The following SH3BP2 variants were observed in gnomAD, a reference collection of about 807,000 sequenced individuals.
SH3BP2 encodes SH3 domain binding protein 2.
SH3BP2 carries 38 observed loss-of-function variants against 56.2 expected under a neutral mutation model. That is an observed-to-expected ratio of 0.68 (90% CI 0.52 to 0.89). SH3BP2 has a LOEUF of 0.89. Among genes scored for constraint, SH3BP2 ranks in the 40% least tolerant of loss-of-function variants. The probability of loss-of-function intolerance (pLI) is 0.00; values close to 1 mark genes in which losing one functional copy is unlikely to be tolerated. For missense variants in SH3BP2, 748 were observed against 762.6 expected (o/e 0.98, Z 0.23); for synonymous variants, 346 against 316.7 (o/e 1.09, Z -0.98).
rs1323109947 is a variant in SH3BP2 at position 2,810,663 on chromosome 4, C to T, written c.-4-9951C>T. ...CCCCAAGCCCCTTCCTCCCGTGGCTCCCTCACCCCAGCTCCTTCCAGCAAA... is the reference window on the plus strand; with the variant it reads ...CCCCAAGCCCCTTCCTCCCGTGGCTTCCTCACCCCAGCTCCTTCCAGCAAA... On this transcript the variant is annotated intron_variant, in intron 1 of 12. Coordinates refer to ENST00000503393, the MANE Select transcript of SH3BP2 (RefSeq NM_001122681.2). This position sits in a 1 kb window ranked among gnomAD's most constrained non-coding sequence, Gnocchi z 4.2. Among the ~76,000 whole-genome samples, 1 of 151,966 alleles carries T rather than the reference C, an allele frequency of 6.6e-6. No homozygotes were observed. Among genetic ancestry groups the T allele is most frequent in the Admixed American group, 6.5e-5 (1 of 15,268 alleles).
chr4:2,824,547 G>A, intron 3 of SH3BP2, 66 bp from the exon 4 acceptor site: 1 of 1,168,908 alleles, frequency 8.6e-7, no homozygotes, highest in Non-Finnish European at 1.3e-6. Flanking sequence ...TTCACAGGGG[G>A]GTGCTGTGGG....
intron 1 of SH3BP2, among the ~76,000 whole-genome samples, chr4:2,795,199 T>G (rs890391162): frequency 6.6e-6 from 1 of 152,132 alleles, no homozygotes; most frequent in South Asian, 2.1e-4. Context: ...TGTCCTGTTT[T>G]GGGTGGGGGC....
In SH3BP2 at chr4:2,832,564, A is replaced by C. The variant is rs1434954829; in HGVS notation, c.1488+152A>C. 7.9e-5 allele frequency: 57 copies of C among 721,374 alleles called. 2 individuals carry two copies. The South Asian group carries it at 8.2e-4, about 10-fold the overall frequency. 44.7% of individuals were successfully genotyped at this position (721,374 alleles called of 1,614,324 possible). A position where few individuals can be genotyped will look rare whatever the true frequency, so the allele number is the denominator to read the frequency against. On this transcript the variant is annotated intron_variant, in intron 11 of 12. Transcript: ENST00000503393. Reference sequence around the variant, plus strand: ...AATTCTCTTCCCAGCAGCACCCCCCAATCTATTCCCTAATAGATCTCCATC... The same window carrying C: ...AATTCTCTTCCCAGCAGCACCCCCCCATCTATTCCCTAATAGATCTCCATC...
intron 1 of SH3BP2, among the ~76,000 whole-genome samples, chr4:2,803,552 T>G (rs1246030172): frequency 6.6e-6 from 1 of 152,060 alleles, no homozygotes; most frequent in East Asian, 1.9e-4. Context: ...GTCTCCAGCT[T>G]AAGGGACCAA....
chr4:2,829,525 C>T lies in SH3BP2; in HGVS notation c.619C>T (p.Pro207Ser). 3 of 1,613,590 alleles carry T rather than the reference C, an allele frequency of 1.9e-6. No homozygotes were observed. Among genetic ancestry groups the T allele is most frequent in the Non-Finnish European group, 2.5e-6 (3 of 1,179,970 alleles). Reference protein sequence around the residue: ...ALMHPPAYPPPPVPTPRKPAF... With the variant: ...ALMHPPAYPPSPVPTPRKPAF... ...GATGCACCCACCGGCTTACCCACCACCCCCAGTGCCCACGCCCAGGAAGCC... is the reference window on the plus strand; with the variant it reads ...GATGCACCCACCGGCTTACCCACCATCCCCAGTGCCCACGCCCAGGAAGCC... Residue 207 changes from proline to serine, a missense_variant, in exon 8 of 13, where the codon CCC becomes TCC. Transcript: ENST00000503393. This position sits in a 1 kb window ranked among gnomAD's most constrained non-coding sequence, Gnocchi z 4.9.
At chr4:2,802,684 TG>T (rs1288756180) in intron 1 of SH3BP2, among the ~76,000 whole-genome samples, 1 of 151,718 alleles carries the variant, frequency 6.6e-6, no homozygotes, top group African/African-American at 2.4e-5. Context: ...TATATATATA[TG>T]TATATATGTA....
chr4:2,828,353 C>T (rs1724790820), intron 7 of SH3BP2, among the ~76,000 whole-genome samples: 1 of 152,054 alleles, frequency 6.6e-6, no homozygotes. Context: ...CTCTGCCGAC[C>T]CCAGCCCCTG....
chr4:2,831,710 T>C lies in SH3BP2; in HGVS notation c.1350+31T>C. The C allele has an allele frequency of 6.5e-7, 1 of 1,541,328 alleles. No individual in the cohort carries two copies. Among genetic ancestry groups the C allele is most frequent in the Non-Finnish European group, 8.9e-7 (1 of 1,129,466 alleles). On this transcript the variant is annotated intron_variant, in intron 9 of 12. Transcript: ENST00000503393. The surrounding 1 kb of genome is among the most constrained non-coding windows in gnomAD (Gnocchi z 4.1). ...GCTGAGCGGCAAGCCTGGGTCCCAG[T>C]GGCCAGTAGGTGGACAGGTGGTGGG... is the stretch of plus-strand genomic sequence containing the variant.
intron 1 of SH3BP2, chr4:2,819,097 A>AT (rs1351618352): frequency 6.1e-6 from 1 of 162,796 alleles, no homozygotes; most frequent in Non-Finnish European, 1.3e-5. Context: ...TCAGCTAATT[A>AT]TTTTTTAGAG....
chr4:2,827,571 G>C (rs370093082), intron 6 of SH3BP2, 35 bp from the exon 7 acceptor site: 1 of 1,564,006 alleles, frequency 6.4e-7, no homozygotes, highest in African/African-American at 1.4e-5. Flanking sequence ...GGCCTGGGCC[G>C]GTTTGGCTCT....
chr4:2,807,900 C>T (rs115206348), intron 1 of SH3BP2, among the ~76,000 whole-genome samples: 366 of 152,276 alleles, frequency 2.4e-3, no homozygotes, highest in Middle Eastern at 0.01. Context: ...TGGGCACCTG[C>T]GGAGGCAAGC....
chr4:2,823,280 C>G, intron 3 of SH3BP2: 1 of 580,954 alleles, frequency 1.7e-6, no homozygotes. Context: ...GTGCACAAGT[C>G]CCAGAGGCCT....
At position 2,831,561 on chromosome 4, in the gene SH3BP2, G is replaced by A. The variant is rs760932662; in HGVS notation, c.1242-10G>A. On this transcript the variant is annotated splice_polypyrimidine_tract_variant and intron_variant, in intron 8 of 12. Transcript: ENST00000503393. This position sits in a 1 kb window ranked among gnomAD's most constrained non-coding sequence, Gnocchi z 4.1. ...GAAATGGTCCTGCCTTCCTCTCCCT[G>A]CCCCTCCAGGCGATCACCCCCCGAT... The A allele has an allele frequency of 6.4e-7, 1 of 1,563,576 alleles. No individual in the cohort carries two copies. Among genetic ancestry groups the A allele is most frequent in the Non-Finnish European group, 8.7e-7 (1 of 1,152,388 alleles).
At chr4:2,832,173 G>A (rs530170011) in intron 10 of SH3BP2, 158 bp from the exon 11 acceptor site, 718 of 955,058 alleles carry the variant, frequency 7.5e-4, no homozygotes, top group Non-Finnish European at 1.0e-3. Flanking sequence ...GGGCTCTGCT[G>A]GGCTGCTTCT....
At position 2,818,426 on chromosome 4, in the gene SH3BP2, C is replaced by T. The variant is rs867837739; in HGVS notation, c.-4-2188C>T. On this transcript the variant is annotated intron_variant, in intron 1 of 12. Transcript: ENST00000503393. ...AGCCCCGGCCCCCGAGCCCCGGGAC[C>T]CGGGCCGCGAGCTTCCGGCTCTGGA... 1,295 of 1,124,230 alleles carry T rather than the reference C, an allele frequency of 1.2e-3. 2 individuals carry two copies. The highest frequency in any genetic ancestry group is 8.5e-3 in the Middle Eastern group (24 of 2,822). The allele number at this position is 1,124,230 out of a possible 1,614,324, so 69.6% of individuals were successfully genotyped here.
chr4:2,802,683 A>T (rs887538041), intron 1 of SH3BP2, among the ~76,000 whole-genome samples: 3 of 147,936 alleles, frequency 2.0e-5, no homozygotes, highest in Non-Finnish European at 4.4e-5. Flanking sequence ...GTATATATAT[A>T]TGTATATATG....
intron 11 of SH3BP2, among the ~76,000 whole-genome samples, chr4:2,832,683 G>A (rs1482739311): frequency 6.6e-6 from 1 of 152,244 alleles, no homozygotes; most frequent in African/African-American, 2.4e-5. Context: ...GCCACATGGG[G>A]CAGGGGAACG....
rs1415195943 is a variant in SH3BP2, at chr4:2,838,874, G to A, written c.*5040G>A. The A allele has an allele frequency of 5.3e-5, 8 of 152,072 alleles. No individual in the cohort carries two copies. The highest frequency in any genetic ancestry group is 1.9e-4 in the African/African-American group (8 of 41,394). The allele number at this position is 152,072 out of a possible 1,614,324, so 9.4% of individuals were successfully genotyped here. A position where few individuals can be genotyped will look rare whatever the true frequency, so the allele number is the denominator to read the frequency against. On this transcript the variant is annotated 3_prime_UTR_variant, in exon 13 of 13. Coordinates refer to ENST00000503393, the MANE Select transcript of SH3BP2 (RefSeq NM_001122681.2). ...CAAATGGTGCACAAATTTTTCTAGG[G>A]TTTGTACTCAGGAGTCTGACTCCTG... is the stretch of plus-strand genomic sequence containing the variant.
rs1258806305 is a variant in SH3BP2, at chr4:2,831,512, G to A, written c.1242-59G>A. The A allele has an allele frequency of 2.3e-6, 3 of 1,325,842 alleles. No homozygotes were observed. The highest frequency in any genetic ancestry group is 2.9e-5 in the African/African-American group (2 of 68,666). The allele number at this position is 1,325,842 out of a possible 1,614,324, so 82.1% of individuals were successfully genotyped here. ...GGGTGGAGTGGGGAGGGGAGCAGAG[G>A]GTGGCCGCCCCGTGTCTGACAGTGA... is the stretch of plus-strand genomic sequence containing the variant. On this transcript the variant is annotated intron_variant, in intron 8 of 12. Coordinates refer to ENST00000503393, the MANE Select transcript of SH3BP2 (RefSeq NM_001122681.2). This position sits in a 1 kb window ranked among gnomAD's most constrained non-coding sequence, Gnocchi z 4.1.
Sources: allele counts gnomAD v4.1 joint callset (sites outside exome capture counted in the v4.1 genomes callset), GRCh38; gene constraint gnomAD v4.1.1; non-coding constraint Gnocchi (gnomAD v3.1); transcripts MANE v1.5; gene names NCBI Gene and HGNC (gene_info 2026-07-23, HGNC 2026-07-21).